MTOR: variants seen among roughly 807,000 people sequenced by gnomAD.
The protein encoded by MTOR is serine/threonine-protein kinase mTOR.
A neutral mutation model predicts 319.8 loss-of-function variants in MTOR; 70 were observed. The ratio of observed to expected loss-of-function variants is 0.22; its 90% confidence interval spans 0.18 to 0.27. MTOR has a LOEUF of 0.27. MTOR is among the 10% of genes least tolerant of loss of function. The pLI, the probability that MTOR is intolerant of heterozygous loss-of-function variation, is 1.00. For synonymous variants in MTOR, 1,183 were observed against 1,211.4 expected (o/e 0.98, Z 0.49); for missense variants, 1,890 against 3,274.4 (o/e 0.58, Z 10.32).
At chr1:11,122,204 G>GTT (rs377227945) in intron 47 of MTOR, 78 bp from the exon 48 acceptor site, 162 of 1,372,902 alleles carry the variant, frequency 1.2e-4, no homozygotes, top group African/African-American at 1.1e-3. Context: ...CAGGCAGACT[G>GTT]TTTTTTTTTT....
In MTOR at chr1:11,157,204, C is replaced by T. The variant is rs1313381757; in HGVS notation, c.4417G>A (p.Asp1473Asn). 8 of 1,613,900 alleles carry T rather than the reference C, an allele frequency of 5.0e-6. No homozygotes were observed. Among genetic ancestry groups the T allele is most frequent in the Non-Finnish European group, 6.8e-6 (8 of 1,179,962 alleles). The change falls in exon 30 of 58, where the codon GAC becomes AAC. Residue 1473 changes from aspartate (D) to asparagine (N), a missense_variant. Coordinates refer to ENST00000361445, the MANE Select transcript of MTOR (RefSeq NM_004958.4). Reference protein sequence around the residue: ...YDKKMDTNKDDPELMLGRMRC... With the variant: ...YDKKMDTNKDNPELMLGRMRC... Reference sequence around the variant, plus strand: ...ATGCGGCCCAGCATCAGCTCTGGGTCGTCCTTGTTGGTGTCCATTTTCTTG... The same window carrying T: ...ATGCGGCCCAGCATCAGCTCTGGGTTGTCCTTGTTGGTGTCCATTTTCTTG...
intron 29 of MTOR, among the ~76,000 whole-genome samples, chr1:11,167,229 G>C (rs1443586367): frequency 4.0e-5 from 6 of 150,548 alleles, no homozygotes; most frequent in Admixed American, 1.3e-4. Flanking sequence ...ATGTACCCTA[G>C]AACTTAAAGT....
chr1:11,188,722 T>C (rs1645403108), intron 28 of MTOR, among the ~76,000 whole-genome samples: 2 of 152,228 alleles, frequency 1.3e-5, no homozygotes, highest in South Asian at 2.1e-4. Context: ...GTCCAAACCC[T>C]GTGGCTACAA....
chr1:11,208,704 T>G (rs1248515251), intron 25 of MTOR, among the ~76,000 whole-genome samples: 1 of 152,256 alleles, frequency 6.6e-6, no homozygotes, highest in African/African-American at 2.4e-5. Context: ...TGCCTGTTTT[T>G]AGGTGGATAG....
chr1:11,110,280 T>C (rs1295606830), intron 54 of MTOR, among the ~76,000 whole-genome samples: 1 of 152,180 alleles, frequency 6.6e-6, no homozygotes, highest in East Asian at 1.9e-4. Flanking sequence ...AGTCCTCAGG[T>C]GTTAGGTTCA....
intron 28 of MTOR, chr1:11,193,753 C>A (rs755014545): frequency 1.2e-6 from 2 of 1,614,164 alleles, no homozygotes; most frequent in Non-Finnish European, 1.7e-6. Context: ...GACAGCCAAC[C>A]CGGCTGCGTG....
intron 28 of MTOR, among the ~76,000 whole-genome samples, chr1:11,172,394 A>G (rs1644844718): frequency 6.7e-6 from 1 of 149,254 alleles, no homozygotes; most frequent in Non-Finnish European, 1.5e-5. Flanking sequence ...CGTCTCTACT[A>G]AAAATACAAA....
chr1:11,117,138 C>A, intron 49 of MTOR, 52 bp from the exon 50 acceptor site: 1 of 1,360,590 alleles, frequency 7.3e-7, no homozygotes, highest in Non-Finnish European at 1.0e-6. Flanking sequence ...TTAATTTCAA[C>A]ATAATTATAC....
chr1:11,113,783 T>G (rs1642015265), intron 53 of MTOR, among the ~76,000 whole-genome samples: 1 of 152,018 alleles, frequency 6.6e-6, no homozygotes, highest in African/African-American at 2.4e-5. Context: ...CACCTTAATA[T>G]GGTTTGGCTG....
At chr1:11,218,575 T>C (rs934721646) in intron 19 of MTOR, among the ~76,000 whole-genome samples, 8 of 150,496 alleles carry the variant, frequency 5.3e-5, no homozygotes, top group African/African-American at 1.5e-4. Context: ...GGCGGGGAGG[T>C]CAGAGAAAAC....
At chr1:11,183,516 T>G (rs1645223702) in intron 28 of MTOR, among the ~76,000 whole-genome samples, 1 of 152,186 alleles carries the variant, frequency 6.6e-6, no homozygotes, top group African/African-American at 2.4e-5. Context: ...GTATAATACA[T>G]ATACAATATT....
chr1:11,118,720 T>C (rs12137491), intron 49 of MTOR, among the ~76,000 whole-genome samples: 8,904 of 151,188 alleles, frequency 0.059, 373 homozygotes, highest in South Asian at 0.12. Flanking sequence ...CCTTGCCTCC[T>C]GGCTCAAGTG....
At chr1:11,256,492 G>A (rs767799598) in intron 4 of MTOR, among the ~76,000 whole-genome samples, 7 of 152,148 alleles carry the variant, frequency 4.6e-5, no homozygotes, top group Non-Finnish European at 8.8e-5. Flanking sequence ...AACTCTACCT[G>A]GAATACAGTA....
At chr1:11,230,846 T>A (rs1378435044) in intron 18 of MTOR, 79 bp downstream of exon 18, 1 of 1,591,802 alleles carries the variant, frequency 6.3e-7, no homozygotes, top group Admixed American at 1.7e-5. Context: ...GTAATCCAGC[T>A]CCAGACTTTC....
At chr1:11,181,361 T>A (rs1405909617) in intron 28 of MTOR, among the ~76,000 whole-genome samples, 1 of 151,974 alleles carries the variant, frequency 6.6e-6, no homozygotes, top group African/African-American at 2.4e-5. Flanking sequence ...AGTTATTGAT[T>A]TAAAAAATGG....
intron 36 of MTOR, among the ~76,000 whole-genome samples, chr1:11,134,825 G>A (rs978642521): frequency 2.0e-5 from 3 of 152,196 alleles, no homozygotes; most frequent in African/African-American, 7.2e-5. Flanking sequence ...GGGATATTAG[G>A]CTTTTGGGAA....
chr1:11,257,029 T>C lies in MTOR; in HGVS notation c.408A>G (p.Ala136=), dbSNP rs755753131. 2 of 1,614,158 alleles carry C rather than the reference T, an allele frequency of 1.2e-6. No homozygotes were observed. The highest frequency in any genetic ancestry group is 1.7e-5 in the Admixed American group (1 of 60,008). Residue 136 remains alanine (A), a synonymous_variant, in exon 4 of 58, where the codon GCA becomes GCG. Coordinates refer to ENST00000361445, the MANE Select transcript of MTOR (RefSeq NM_004958.4). Reference sequence around the variant, plus strand: ...CGTACTCAGCGGTAAAAGTGTCCCCTGCCATGGCAAGACGGCCAATGGCCT... The same window carrying C: ...CGTACTCAGCGGTAAAAGTGTCCCCCGCCATGGCAAGACGGCCAATGGCCT... ...ASKAIGRLAM[A]GDTFTAEYVE... is the part of the protein sequence containing the mutation.
intron 54 of MTOR, among the ~76,000 whole-genome samples, chr1:11,110,074 A>C (rs2261434): frequency 0.57 from 86,927 of 151,824 alleles, 29,222 homozygotes; most frequent in East Asian, 0.8. Flanking sequence ...TTTGGTGCTT[A>C]TCAGAATTGA....
At chr1:11,179,652 C>T (rs892637831) in intron 28 of MTOR, among the ~76,000 whole-genome samples, 3 of 152,196 alleles carry the variant, frequency 2.0e-5, no homozygotes, top group Admixed American at 1.3e-4. Flanking sequence ...CAAGCTGTTA[C>T]AGTGACCCTG....
Sources: allele counts gnomAD v4.1 joint callset (sites outside exome capture counted in the v4.1 genomes callset), GRCh38; gene constraint gnomAD v4.1.1; transcripts MANE v1.5; gene names NCBI Gene and HGNC (gene_info 2026-07-23, HGNC 2026-07-21).